SSBP3: variants seen among roughly 807,000 people sequenced by gnomAD.
SSBP3 encodes single stranded DNA binding protein 3, also known as single-stranded DNA-binding protein 3.
A neutral mutation model predicts 69.6 loss-of-function variants in SSBP3; 5 were observed. The observed-to-expected ratio is 0.07, with a 90% CI of 0.04 to 0.15. SSBP3 has a LOEUF of 0.15. Among genes scored for constraint, SSBP3 ranks in the 10% least tolerant of loss-of-function variants. SSBP3 has a pLI of 1.00. For missense variants in SSBP3, 312 were observed against 534.0 expected (o/e 0.58, Z 4.10); for synonymous variants, 196 against 193.4 (o/e 1.01, Z -0.11).
At chr1:54,238,064 AG>A (rs1644530083) in intron 14 of SSBP3, 2 of 444,140 alleles carry the variant, frequency 4.5e-6, no homozygotes, top group South Asian at 1.6e-5. Context: ...GGGATTCCTC[AG>A]GATGTGGGGC....
chr1:54,261,671 T>G (rs1645019541), intron 5 of SSBP3, among the ~76,000 whole-genome samples: 1 of 152,180 alleles, frequency 6.6e-6, no homozygotes, highest in Non-Finnish European at 1.5e-5. Context: ...GAGGGCTGCT[T>G]GGCCAGCAGG....
intron 4 of SSBP3, among the ~76,000 whole-genome samples, chr1:54,346,352 G>A (rs569142437): frequency 6.6e-6 from 1 of 151,724 alleles, no homozygotes; most frequent in South Asian, 2.1e-4. Context: ...TTACTGTACT[G>A]ACTAAAGTTA....
intron 7 of SSBP3, among the ~76,000 whole-genome samples, chr1:54,252,326 A>C (rs1327345461): frequency 6.6e-6 from 1 of 152,254 alleles, no homozygotes; most frequent in Non-Finnish European, 1.5e-5. Flanking sequence ...TGAGACACCC[A>C]CTACCTAAAA....
chr1:54,313,144 A>G (rs1344102131), intron 4 of SSBP3, among the ~76,000 whole-genome samples: 2 of 151,920 alleles, frequency 1.3e-5, no homozygotes, highest in Admixed American at 1.3e-4. Context: ...GAACAATCCA[A>G]GACAATGGGT....
At chr1:54,229,350 T>C (rs1644342547) in intron 14 of SSBP3, among the ~76,000 whole-genome samples, 1 of 152,200 alleles carries the variant, frequency 6.6e-6, no homozygotes, top group African/African-American at 2.4e-5. Context: ...GGAGCTGTCA[T>C]GCTGGCCCTC....
chr1:54,343,886 G>C (rs1476066431), intron 4 of SSBP3, among the ~76,000 whole-genome samples: 2 of 152,228 alleles, frequency 1.3e-5, no homozygotes, highest in African/African-American at 4.8e-5. Context: ...GGCTAGGAGA[G>C]CCACTAGCAG....
intron 14 of SSBP3, among the ~76,000 whole-genome samples, chr1:54,231,133 G>C (rs886320095): frequency 6.6e-6 from 1 of 152,206 alleles, no homozygotes; most frequent in Non-Finnish European, 1.5e-5. Flanking sequence ...GTTTAACAAA[G>C]CAGCTGTGCC....
intron 4 of SSBP3, among the ~76,000 whole-genome samples, chr1:54,338,074 C>CCA (rs1437404272): frequency 2.0e-5 from 3 of 152,178 alleles, no homozygotes; most frequent in African/African-American, 7.2e-5. Context: ...GTGTATATTA[C>CCA]ACTCAACAGC....
chr1:54,352,121 C>A (rs1646789650), intron 4 of SSBP3, among the ~76,000 whole-genome samples: 1 of 152,048 alleles, frequency 6.6e-6, no homozygotes, highest in African/African-American at 2.4e-5. Flanking sequence ...TATAGTGAGA[C>A]CCTATCTCTA....
chr1:54,377,594 G>GC (rs1393107881), intron 4 of SSBP3, among the ~76,000 whole-genome samples: 2 of 152,222 alleles, frequency 1.3e-5, no homozygotes, highest in Non-Finnish European at 2.9e-5. Flanking sequence ...ATCTGCTGGA[G>GC]CATTTCCAGC....
At chr1:54,300,075 TAAAGA>T (rs2100994192) in intron 4 of SSBP3, among the ~76,000 whole-genome samples, 1 of 152,220 alleles carries the variant, frequency 6.6e-6, no homozygotes, top group East Asian at 1.9e-4. Flanking sequence ...CCTAGCTATT[TAAAGA>T]CAAGAAAATG....
chr1:54,231,403 GTTCT>G (rs1644377307), intron 14 of SSBP3, among the ~76,000 whole-genome samples: 1 of 152,168 alleles, frequency 6.6e-6, no homozygotes, highest in African/African-American at 2.4e-5. Context: ...TTTTCTAAGA[GTTCT>G]TTATGTATTT....
chr1:54,260,207 A>G (rs1442855578), intron 5 of SSBP3, among the ~76,000 whole-genome samples: 1 of 152,218 alleles, frequency 6.6e-6, no homozygotes. Context: ...GAAATATGAA[A>G]AGAACAGAGG....
intron 4 of SSBP3, among the ~76,000 whole-genome samples, chr1:54,344,507 G>C (rs1311680190): frequency 6.6e-6 from 1 of 152,214 alleles, no homozygotes; most frequent in Admixed American, 6.5e-5. Flanking sequence ...AGACACTTCT[G>C]TGGGTGATTC....
chr1:54,373,503 TCTGTAACCCCAACATTTTGGG>T (rs1188255670), intron 4 of SSBP3, among the ~76,000 whole-genome samples: 1 of 151,872 alleles, frequency 6.6e-6, no homozygotes, highest in African/African-American at 2.4e-5. Flanking sequence ...GTGGCTCACA[TCTGTAACCCCAACATTTTGGG>T]AAGCTGAGGC....
intron 5 of SSBP3, among the ~76,000 whole-genome samples, chr1:54,277,664 T>A (rs999140184): frequency 5.3e-5 from 8 of 152,192 alleles, no homozygotes; most frequent in Admixed American, 2.0e-4. Context: ...ACTATTGGAA[T>A]TTAAAAACAA....
intron 9 of SSBP3, among the ~76,000 whole-genome samples, chr1:54,247,157 G>A (rs571576408): frequency 1.3e-5 from 2 of 152,364 alleles, no homozygotes; most frequent in East Asian, 3.9e-4. Flanking sequence ...GCAGCCTGGA[G>A]GCGGTGGCTG....
At chr1:54,348,261 C>CG (rs1646724012) in intron 4 of SSBP3, among the ~76,000 whole-genome samples, 1 of 11,972 alleles carries the variant, frequency 8.4e-5, no homozygotes, top group Non-Finnish European at 2.0e-4. Flanking sequence ...GGGGGGGGGG[C>CG]GGGTGAGGAC....
rs551902845 is a variant in SSBP3, at chr1:54,311,641, G to A, written c.277-30114C>T. Among the ~76,000 whole-genome samples, 54 of 152,180 alleles carry A rather than the reference G, an allele frequency of 3.5e-4. 1 individual carries two copies. Among genetic ancestry groups the A allele is most frequent in the African/African-American group, 1.2e-3 (48 of 41,522 alleles). On this transcript the variant is annotated intron_variant, in intron 4 of 17. Coordinates refer to ENST00000610401, the Ensembl canonical transcript of SSBP3. ...CACCCATAGCTGCAGCATCACCACC[G>A]TCACTCGGAGGGGCGGCAGACTCAG... is the stretch of plus-strand genomic sequence containing the variant.
Sources: allele counts gnomAD v4.1 joint callset (sites outside exome capture counted in the v4.1 genomes callset), GRCh38; gene constraint gnomAD v4.1.1; transcripts MANE v1.5; gene names NCBI Gene and HGNC (gene_info 2026-07-23, HGNC 2026-07-21).